S100PBP: variants seen among roughly 807,000 people sequenced by gnomAD.
S100PBP encodes the protein S100P-binding protein.
Under a neutral mutation model 39.9 loss-of-function variants are expected in S100PBP, and 15 were observed. The ratio of observed to expected loss-of-function variants is 0.38; its 90% confidence interval spans 0.25 to 0.58. The LOEUF (loss-of-function observed/expected upper bound fraction) is 0.58. Among genes scored for constraint, S100PBP ranks in the 20% least tolerant of loss-of-function variants. The probability of loss-of-function intolerance (pLI) is 0.70; values close to 1 mark genes in which losing one functional copy is unlikely to be tolerated. For missense variants in S100PBP, 504 were observed against 487.3 expected, an observed-to-expected ratio of 1.03 and a Z score of -0.32; for synonymous variants, 178 against 180.3, an observed-to-expected ratio of 0.99 and a Z score of 0.10.
Position 32,826,884 on chromosome 1 carries a change from CAAGTT to C in S100PBP, c.786_790del (p.Ser263Ter). 1 of 1,606,424 alleles carries C rather than the reference CAAGTT, an allele frequency of 6.2e-7. No individual in the cohort carries two copies. Among genetic ancestry groups the C allele is most frequent in the Non-Finnish European group, 8.5e-7 (1 of 1,177,556 alleles). On this transcript the variant is annotated frameshift_variant, in exon 3 of 7. Transcript: ENST00000373475. LOFTEE classifies it high-confidence loss of function. ...TGCAGAAATGGTGGTTCACACAAGT[CAAGTT>C]GTGAAATGAGATCTCTGGTTGTTTC...
At chr1:32,852,019 A>G (rs2148695453) in intron 5 of S100PBP, among the ~76,000 whole-genome samples, 1 of 152,300 alleles carries the variant, frequency 6.6e-6, no homozygotes, top group Admixed American at 6.5e-5. Context: ...GAGCTAGTTG[A>G]ATCCTGGGTC....
chr1:32,850,908 T>G (rs1356300603), intron 5 of S100PBP, among the ~76,000 whole-genome samples: 1 of 152,162 alleles, frequency 6.6e-6, no homozygotes, highest in Non-Finnish European at 1.5e-5. Context: ...ATTTGCAGAG[T>G]CTTTGCAAGC....
chr1:32,838,135 A>G (rs1191254515), intron 5 of S100PBP, among the ~76,000 whole-genome samples: 1 of 151,654 alleles, frequency 6.6e-6, no homozygotes, highest in Non-Finnish European at 1.5e-5. Flanking sequence ...AGGTCAGGAG[A>G]TCGAGACCAT....
chr1:32,848,951 A>G (rs1640496855), intron 5 of S100PBP, among the ~76,000 whole-genome samples: 2 of 152,332 alleles, frequency 1.3e-5, no homozygotes, highest in African/African-American at 4.8e-5. Flanking sequence ...GGTCCAAGAA[A>G]GCCCATCTGT....
chr1:32,827,895 A>G lies in S100PBP; in HGVS notation c.832-98A>G, dbSNP rs1639410785. On this transcript the variant is annotated intron_variant, in intron 3 of 6. Coordinates refer to ENST00000373475, the MANE Select transcript of S100PBP (RefSeq NM_022753.4). The stretch of plus-strand genomic sequence containing the variant: ...GTAGTGTTCACGAATAGGCTTTTGT[A>G]GCCTTTAGTTAAAAAATATTTCCAT... The G allele has an allele frequency of 6.5e-6, 5 of 766,480 alleles. No individual in the cohort carries two copies. The South Asian group carries it at 7.7e-5, about 12-fold the overall frequency. The allele number at this position is 766,480 out of a possible 1,614,324, so 47.5% of individuals were successfully genotyped here. A position where few individuals can be genotyped will look rare whatever the true frequency, so the allele number is the denominator to read the frequency against.
At chr1:32,843,812 TCTC>T (rs1212978022) in intron 5 of S100PBP, among the ~76,000 whole-genome samples, 1 of 151,540 alleles carries the variant, frequency 6.6e-6, no homozygotes, top group African/African-American at 2.4e-5. Flanking sequence ...ATGGTCTCGA[TCTC>T]CTGACCTCAT....
chr1:32,844,566 T>C (rs182043598), intron 5 of S100PBP, among the ~76,000 whole-genome samples: 48 of 152,058 alleles, frequency 3.2e-4, no homozygotes, highest in Admixed American at 5.9e-4. Context: ...AGCCTCTACC[T>C]CCTTAGCTCA....
chr1:32,850,473 T>C (rs1466696322), intron 5 of S100PBP, among the ~76,000 whole-genome samples: 1 of 152,226 alleles, frequency 6.6e-6, no homozygotes, highest in Non-Finnish European at 1.5e-5. Context: ...TAAGGAATTT[T>C]CTAATCAAGA....
intron 5 of S100PBP, among the ~76,000 whole-genome samples, chr1:32,844,959 G>C (rs570283327): frequency 6.6e-6 from 1 of 151,212 alleles, no homozygotes; most frequent in East Asian, 1.9e-4. Context: ...CTCCCGAGTA[G>C]CTGGGACTAC....
chr1:32,829,929 G>A, intron 4 of S100PBP, 35 bp from the exon 5 acceptor site: 1 of 1,415,180 alleles, frequency 7.1e-7, no homozygotes, highest in South Asian at 1.2e-5. Flanking sequence ...TTTCTAATGG[G>A]CTGTTTTTCT....
At chr1:32,843,369 C>T (rs1488682914) in intron 5 of S100PBP, among the ~76,000 whole-genome samples, 1 of 151,790 alleles carries the variant, frequency 6.6e-6, no homozygotes, top group East Asian at 1.9e-4. Flanking sequence ...CTCTGTTGCC[C>T]AGACTGGAGT....
Position 32,821,353 on chromosome 1 carries a change from G to A in S100PBP, c.-120+3664G>A, listed in dbSNP as rs557936720. 5.9e-5 allele frequency among the ~76,000 whole-genome samples: 9 copies of A among 152,146 alleles called. No homozygotes were observed. In the East Asian group the frequency reaches 1.7e-3, roughly 29 times the overall value. ...TTGTTGTTTTTTGAGACTGACTCTT[G>A]CTCTGTCACCCAGGCTGGAGTGCAG... On this transcript the variant is annotated intron_variant, in intron 1 of 6. Transcript: ENST00000373475.
intron 1 of S100PBP, among the ~76,000 whole-genome samples, chr1:32,822,190 G>C (rs1639100782): frequency 6.6e-6 from 1 of 152,222 alleles, no homozygotes; most frequent in South Asian, 2.1e-4. Flanking sequence ...GTAAAGGTGG[G>C]AAGTGGATGG....
chr1:32,852,491 C>G (rs1209635447), intron 5 of S100PBP, among the ~76,000 whole-genome samples: 3 of 152,066 alleles, frequency 2.0e-5, no homozygotes, highest in African/African-American at 7.2e-5. Flanking sequence ...AGCAATTTTT[C>G]TTGTTAGCAA....
At chr1:32,830,218 T>G in intron 5 of S100PBP, 151 bp downstream of exon 5, 1 of 630,224 alleles carries the variant, frequency 1.6e-6, no homozygotes, top group Admixed American at 2.9e-5. Flanking sequence ...TTAAAAGGAT[T>G]GCCTAACCAG....
At chr1:32,839,476 A>G (rs756323466) in intron 5 of S100PBP, among the ~76,000 whole-genome samples, 7 of 152,142 alleles carry the variant, frequency 4.6e-5, no homozygotes, top group Non-Finnish European at 1.0e-4. Flanking sequence ...CCTGCTTGCA[A>G]TTCTTACATA....
At chr1:32,830,851 G>C (rs1038825444) in intron 5 of S100PBP, among the ~76,000 whole-genome samples, 7 of 152,148 alleles carry the variant, frequency 4.6e-5, no homozygotes, top group African/African-American at 1.7e-4. Context: ...TTTAAGACCA[G>C]CCTGGCCAGC....
intron 5 of S100PBP, among the ~76,000 whole-genome samples, chr1:32,830,901 C>T (rs1003585951): frequency 1.3e-5 from 2 of 152,018 alleles, no homozygotes; most frequent in Non-Finnish European, 2.9e-5. Context: ...TAAAAATTAG[C>T]CGGATCATAT....
chr1:32,826,588 C>A lies in S100PBP; in HGVS notation c.489C>A (p.Asp163Glu), dbSNP rs41265867. ...TTTGTGATGCTCTGCTTGATAAGGA[C>A]GAGACTGATTCGTCCAAAGATACTG... ...PTVCDALLDK[D>E]ETDSSKDTEK... Residue 163 changes from aspartate (D) to glutamate (E), a missense_variant, in exon 3 of 7, where the codon GAC becomes GAA. Coordinates refer to ENST00000373475, the MANE Select transcript of S100PBP (RefSeq NM_022753.4). 6.2e-7 allele frequency: 1 copy of A among 1,613,780 alleles called. No individual in the cohort carries two copies. Among genetic ancestry groups the A allele is most frequent in the South Asian group, 1.1e-5 (1 of 91,074 alleles).
Sources: allele counts gnomAD v4.1 joint callset (sites outside exome capture counted in the v4.1 genomes callset), GRCh38; gene constraint gnomAD v4.1.1; transcripts MANE v1.5; gene names NCBI Gene and HGNC (gene_info 2026-07-23, HGNC 2026-07-21).